The following DNAJC1 variants were observed in gnomAD, a reference collection of about 807,000 sequenced individuals.
DNAJC1 encodes dnaJ homolog subfamily C member 1.
A neutral mutation model predicts 76.6 loss-of-function variants in DNAJC1; 58 were observed. The ratio of observed to expected loss-of-function variants is 0.76; its 90% CI spans 0.61 to 0.94. The LOEUF is 0.94. Among genes scored for constraint, DNAJC1 ranks in the 40% least tolerant of loss-of-function variants. DNAJC1 has a pLI of 0.00. For missense variants in DNAJC1, 689 were observed against 677.3 expected (o/e 1.02, Z -0.19); for synonymous variants, 258 against 267.9 (o/e 0.96, Z 0.36).
intron 1 of DNAJC1, among the ~76,000 whole-genome samples, chr10:21,977,220 T>C (rs561318266): frequency 6.6e-6 from 1 of 151,992 alleles, no homozygotes; most frequent in Non-Finnish European, 1.5e-5. Context: ...TCTTAGCAAT[T>C]TTTTAAAAAG....
At chr10:21,774,253 A>G (rs1834426689) in intron 9 of DNAJC1, among the ~76,000 whole-genome samples, 1 of 152,124 alleles carries the variant, frequency 6.6e-6, no homozygotes, top group Non-Finnish European at 1.5e-5. Flanking sequence ...TTTATCTTGT[A>G]GAATTTAAAT....
At chr10:21,979,596 T>C (rs1351755017) in intron 1 of DNAJC1, among the ~76,000 whole-genome samples, 1 of 152,034 alleles carries the variant, frequency 6.6e-6, no homozygotes, top group African/African-American at 2.4e-5. Context: ...CCATATATGG[T>C]TTTACAGTGG....
At chr10:21,790,000 GC>G (rs1218373269) in intron 9 of DNAJC1, among the ~76,000 whole-genome samples, 4 of 116,272 alleles carry the variant, frequency 3.4e-5, no homozygotes, top group African/African-American at 7.0e-5. Context: ...ACACAGCAAG[GC>G]TCTGTCTTTA....
At chr10:21,804,738 T>C (rs947720997) in intron 9 of DNAJC1, among the ~76,000 whole-genome samples, 1 of 151,764 alleles carries the variant, frequency 6.6e-6, no homozygotes, top group Non-Finnish European at 1.5e-5. Flanking sequence ...AGCAAAAATA[T>C]TGCTAAACGT....
intron 3 of DNAJC1, among the ~76,000 whole-genome samples, chr10:21,924,858 G>A (rs1206927235): frequency 6.6e-6 from 1 of 152,160 alleles, no homozygotes; most frequent in African/African-American, 2.4e-5. Context: ...CTACAAACCT[G>A]TATAGCATGT....
At chr10:21,973,128 T>C (rs1328528606) in intron 1 of DNAJC1, among the ~76,000 whole-genome samples, 1 of 152,142 alleles carries the variant, frequency 6.6e-6, no homozygotes, top group African/African-American at 2.4e-5. Flanking sequence ...AGGGCTGTTA[T>C]GGGATGTGTA....
At chr10:21,908,093 A>T (rs1836780792) in intron 6 of DNAJC1, among the ~76,000 whole-genome samples, 2 of 111,774 alleles carry the variant, frequency 1.8e-5, no homozygotes, top group South Asian at 4.6e-4. Flanking sequence ...TTATATATAA[A>T]ATATATATAA....
intron 1 of DNAJC1, among the ~76,000 whole-genome samples, chr10:21,978,585 T>C (rs1838102024): frequency 6.6e-6 from 1 of 152,112 alleles, no homozygotes; most frequent in Non-Finnish European, 1.5e-5. Flanking sequence ...ATCAAATTAT[T>C]TCCTGTATGT....
At chr10:21,863,497 T>C (rs971579178) in intron 8 of DNAJC1, among the ~76,000 whole-genome samples, 2 of 152,098 alleles carry the variant, frequency 1.3e-5, no homozygotes, top group Non-Finnish European at 2.9e-5. Context: ...CAATGTGTTC[T>C]ATAAGGTCAA....
At chr10:21,774,098 G>A (rs1478843220) in intron 9 of DNAJC1, among the ~76,000 whole-genome samples, 2 of 137,148 alleles carry the variant, frequency 1.5e-5, no homozygotes, top group African/African-American at 2.8e-5. Context: ...CCGAGATCCC[G>A]CCACTGCACT....
chr10:21,771,643 G>A (rs540522552), intron 9 of DNAJC1, among the ~76,000 whole-genome samples: 1 of 151,984 alleles, frequency 6.6e-6, no homozygotes, highest in African/African-American at 2.4e-5. Flanking sequence ...GATTACAGGT[G>A]CGTGCCACCA....
rs114408430 is a variant in DNAJC1, at chr10:21,864,147, C to A, written c.978+18135G>T. Among the ~76,000 whole-genome samples, 841 of 152,202 alleles carry A rather than the reference C, an allele frequency of 5.5e-3. 24 individuals are homozygous for A. Among genetic ancestry groups the A allele is most frequent in the African/African-American group, 0.019 (794 of 41,498 alleles). ...ACTTAAGGCGGCAGGATCATTTGAGCCAGGAGGCAGAGATTGCAGTGAAGC... is the reference window on the plus strand; with the variant it reads ...ACTTAAGGCGGCAGGATCATTTGAGACAGGAGGCAGAGATTGCAGTGAAGC... On this transcript the variant is annotated intron_variant, in intron 8 of 11. Coordinates refer to ENST00000376980, the MANE Select transcript of DNAJC1 (RefSeq NM_022365.4).
chr10:21,806,690 G>C (rs899090709), intron 8 of DNAJC1, among the ~76,000 whole-genome samples: 1 of 151,754 alleles, frequency 6.6e-6, no homozygotes, highest in African/African-American at 2.4e-5. Context: ...AGTTTAGCTT[G>C]TCAAATGTCA....
chr10:21,892,799 C>T (rs569245048), intron 7 of DNAJC1, among the ~76,000 whole-genome samples: 2 of 151,986 alleles, frequency 1.3e-5, no homozygotes, highest in Non-Finnish European at 2.9e-5. Flanking sequence ...TGAAGAGAGA[C>T]ATTATATAAT....
At chr10:21,914,728 A>G (rs1464637369) in intron 6 of DNAJC1, among the ~76,000 whole-genome samples, 2 of 152,164 alleles carry the variant, frequency 1.3e-5, no homozygotes, top group Non-Finnish European at 2.9e-5. Context: ...GGATGCTTTT[A>G]GCCTTAACAC....
At chr10:21,962,574 C>T (rs1220418621) in intron 1 of DNAJC1, among the ~76,000 whole-genome samples, 1 of 147,416 alleles carries the variant, frequency 6.8e-6, no homozygotes, top group Non-Finnish European at 1.5e-5. Flanking sequence ...CTCAAATGAT[C>T]CTTCCACCTC....
rs370134516 is a variant in DNAJC1 at position 21,960,066 on chromosome 10, G to C, written c.223-30925C>G. 2.6e-5 allele frequency among the ~76,000 whole-genome samples: 4 copies of C among 152,116 alleles called. No homozygotes were observed. The East Asian group carries it at 7.7e-4, about 29-fold the overall frequency. On this transcript the variant is annotated intron_variant, in intron 1 of 11. Coordinates refer to ENST00000376980, the MANE Select transcript of DNAJC1 (RefSeq NM_022365.4). The stretch of plus-strand genomic sequence containing the variant: ...TGCCTGGATTATTACAAAATCTAAC[G>C]TATCTCCCAACTTCAGCCCCTGCCT...
intron 9 of DNAJC1, among the ~76,000 whole-genome samples, chr10:21,782,222 C>A (rs999951841): frequency 2.0e-5 from 3 of 152,022 alleles, no homozygotes; most frequent in Admixed American, 6.5e-5. Flanking sequence ...ACCACTGATC[C>A]CAGAGAAATA....
At chr10:21,990,573 C>T (rs1032275816) in intron 1 of DNAJC1, among the ~76,000 whole-genome samples, 5 of 152,214 alleles carry the variant, frequency 3.3e-5, no homozygotes, top group East Asian at 1.9e-4. Context: ...TAGTATTATA[C>T]AAAAACTTAA....
Sources: allele counts gnomAD v4.1 joint callset (sites outside exome capture counted in the v4.1 genomes callset), GRCh38; gene constraint gnomAD v4.1.1; transcripts MANE v1.5; gene names NCBI Gene and HGNC (gene_info 2026-07-23, HGNC 2026-07-21).